The following ANO10 variants were observed in gnomAD, a reference collection of about 807,000 sequenced individuals.
ANO10 encodes the protein anoctamin-10.
A neutral mutation model predicts 74.7 loss-of-function variants in ANO10; 77 were observed. The ratio of observed to expected loss-of-function variants is 1.03; its 90% CI spans 0.86 to 1.25. The LOEUF is 1.25. Among genes scored for constraint, ANO10 ranks in the 50% most tolerant of loss-of-function variants. ANO10 has a pLI of 0.00. For synonymous variants in ANO10, 279 were observed against 284.9 expected (o/e 0.98, Z 0.21); for missense variants, 721 against 778.1 (o/e 0.93, Z 0.87).
At chr3:43,687,851 G>A (rs1257609445) in intron 1 of ANO10, among the ~76,000 whole-genome samples, 1 of 152,126 alleles carries the variant, frequency 6.6e-6, no homozygotes, top group African/African-American at 2.4e-5. Flanking sequence ...GGGGGTATAG[G>A]TTGCAATGAC....
rs1396709460 is a variant in ANO10 at position 43,571,137 on chromosome 3, A to G, written c.1218+3672T>C. On this transcript the variant is annotated intron_variant, in intron 7 of 12. Coordinates refer to ENST00000292246, the MANE Select transcript of ANO10 (RefSeq NM_018075.5). ...ATGCAAATCAAAACCACAATGAGAT[A>G]CCATCTCACACCAGTTAGAATGGCA... Among the ~76,000 whole-genome samples, 710 of 150,314 alleles carry G rather than the reference A, an allele frequency of 4.7e-3. 6 individuals are homozygous for G. The highest frequency in any genetic ancestry group is 0.017 in the African/African-American group (681 of 41,158).
At chr3:43,484,861 C>T in intron 11 of ANO10, 1 of 569,794 alleles carries the variant, frequency 1.8e-6, no homozygotes, top group Non-Finnish European at 3.1e-6. Context: ...GGGCTGTGTT[C>T]TCCGCCAACA....
intron 11 of ANO10, among the ~76,000 whole-genome samples, chr3:43,545,111 T>C (rs960266753): frequency 5.9e-5 from 9 of 152,160 alleles, no homozygotes; most frequent in Non-Finnish European, 1.0e-4. Flanking sequence ...TTATAGACTA[T>C]GGCATTTTTT....
At chr3:43,431,274 C>T (rs1204933995) in intron 12 of ANO10, among the ~76,000 whole-genome samples, 5 of 151,832 alleles carry the variant, frequency 3.3e-5, no homozygotes, top group Non-Finnish European at 7.4e-5. Flanking sequence ...GATTTCACCA[C>T]GTTGCCCAGG....
intron 12 of ANO10, among the ~76,000 whole-genome samples, chr3:43,414,173 C>A (rs2092704531): frequency 1.3e-5 from 2 of 152,152 alleles, no homozygotes; most frequent in African/African-American, 4.8e-5. Context: ...AACACAAGCA[C>A]ACACACAAAA....
At chr3:43,565,591 TA>T in intron 8 of ANO10, 61 bp downstream of exon 8, 1 of 1,276,084 alleles carries the variant, frequency 7.8e-7, no homozygotes, top group Non-Finnish European at 1.1e-6. Flanking sequence ...TTACAGCATC[TA>T]AAGATAGAAA....
At chr3:43,588,218 T>C (rs983793462) in intron 4 of ANO10, among the ~76,000 whole-genome samples, 1 of 152,154 alleles carries the variant, frequency 6.6e-6, no homozygotes, top group African/African-American at 2.4e-5. Flanking sequence ...TTTATGTAAA[T>C]TGTAAAATAA....
At chr3:43,431,956 G>T (rs2092989130) in intron 12 of ANO10, among the ~76,000 whole-genome samples, 1 of 152,068 alleles carries the variant, frequency 6.6e-6, no homozygotes, top group Non-Finnish European at 1.5e-5. Context: ...CCCAGAGCTT[G>T]TCCCCTCAGA....
chr3:43,524,417 T>C (rs1026821601), intron 11 of ANO10, among the ~76,000 whole-genome samples: 2 of 145,114 alleles, frequency 1.4e-5, no homozygotes, highest in Admixed American at 6.9e-5. Context: ...TAAGTGGTAA[T>C]TGCAGCATGC....
At chr3:43,632,072 CA>C (rs1160264969) in intron 1 of ANO10, among the ~76,000 whole-genome samples, 1,718 of 70,232 alleles carry the variant, frequency 0.024, 14 homozygotes, top group African/African-American at 0.062. Context: ...GACTCTGTCT[CA>C]AAAAAAAAAA....
At chr3:43,496,312 T>C (rs1055410109) in intron 11 of ANO10, among the ~76,000 whole-genome samples, 2 of 152,246 alleles carry the variant, frequency 1.3e-5, no homozygotes, top group African/African-American at 4.8e-5. Context: ...TTTATTTACC[T>C]GTATATATTG....
intron 1 of ANO10, among the ~76,000 whole-genome samples, chr3:43,671,163 G>C (rs940899058): frequency 2.0e-4 from 31 of 152,152 alleles, no homozygotes; most frequent in Admixed American, 2.0e-3. Context: ...TTCCTTGCAG[G>C]TGTTATTTAA....
At chr3:43,528,256 C>T (rs750175707) in intron 11 of ANO10, among the ~76,000 whole-genome samples, 2 of 146,010 alleles carry the variant, frequency 1.4e-5, no homozygotes, top group Non-Finnish European at 3.0e-5. Flanking sequence ...GAAAATAAAA[C>T]AGACATTGAG....
chr3:43,448,708 C>T (rs1381406192), intron 11 of ANO10, among the ~76,000 whole-genome samples: 1 of 152,134 alleles, frequency 6.6e-6, no homozygotes, highest in Non-Finnish European at 1.5e-5. Flanking sequence ...TGGGTAAATA[C>T]CAAGGAGCAT....
chr3:43,549,815 C>T lies in ANO10; in HGVS notation c.1702G>A (p.Val568Ile), dbSNP rs1291830935. 19 of 1,613,766 alleles carry T rather than the reference C, an allele frequency of 1.2e-5. No individual in the cohort carries two copies. The highest frequency in any genetic ancestry group is 1.6e-5 in the Non-Finnish European group (19 of 1,179,882). ...AFETMSVISV[V>I]TNCALIGMSP... ...ATTCCAATCAGCGCACAGTTAGTGA[C>T]CACAGATATAACACTCATCGTTTCA... Residue 568 changes from valine (V) to isoleucine (I), a missense_variant, in exon 11 of 13, where the codon GTC becomes ATC. Coordinates refer to ENST00000292246, the MANE Select transcript of ANO10 (RefSeq NM_018075.5).
intron 11 of ANO10, among the ~76,000 whole-genome samples, chr3:43,480,291 T>C (rs2076218508): frequency 1.3e-5 from 2 of 152,160 alleles, no homozygotes; most frequent in South Asian, 4.1e-4. Context: ...GGAGAAAAGA[T>C]AATTCTCAAA....
At chr3:43,658,568 C>G (rs1008299044) in intron 1 of ANO10, among the ~76,000 whole-genome samples, 2 of 152,072 alleles carry the variant, frequency 1.3e-5, no homozygotes, top group African/African-American at 4.8e-5. Context: ...CTCCTGGGTT[C>G]AAGCGATTCT....
chr3:43,577,489 G>GC (rs1202816512), intron 5 of ANO10, among the ~76,000 whole-genome samples: 67 of 151,628 alleles, frequency 4.4e-4, no homozygotes, highest in Middle Eastern at 3.4e-3. Flanking sequence ...GCTGGGGGGT[G>GC]TGCTCCGCCA....
At chr3:43,624,254 T>C (rs1000470337), upstream of ANO10, among the ~76,000 whole-genome samples, 1 of 152,168 alleles carries the variant, frequency 6.6e-6, no homozygotes, top group African/African-American at 2.4e-5. Flanking sequence ...ATATATTATG[T>C]TTTTTCGACC....
Sources: gnomAD v4.1 joint callset for allele counts (sites outside exome capture counted in the v4.1 genomes callset) on GRCh38, gnomAD v4.1.1 for gene constraint, MANE v1.5 for transcripts, NCBI Gene and HGNC (gene_info 2026-07-23, HGNC 2026-07-21) for gene names.